The following GRM8 variants were observed in gnomAD, a reference collection of about 807,000 sequenced individuals.
The protein encoded by GRM8 is glutamate metabotropic receptor 8, also known as metabotropic glutamate receptor 8.
In GRM8, 47 loss-of-function variants were observed where a neutral mutation model predicts 87.2. The observed-to-expected ratio is 0.54, with a 90% CI of 0.43 to 0.69. GRM8 has a LOEUF of 0.69. Ranked by LOEUF, GRM8 falls within the 30% of genes least tolerant of loss-of-function variation. The pLI, the probability that GRM8 is intolerant of heterozygous loss-of-function variation, is 0.00. For synonymous variants in GRM8, 396 were observed against 404.5 expected (o/e 0.98, Z 0.25); for missense variants, 1,019 against 1,139.2 (o/e 0.89, Z 1.52).
At chr7:126,780,464 C>T (rs1317015851) in intron 6 of GRM8, among the ~76,000 whole-genome samples, 1 of 152,120 alleles carries the variant, frequency 6.6e-6, no homozygotes, top group Non-Finnish European at 1.5e-5. Flanking sequence ...TTATCATTCA[C>T]TGAGCTTGTG....
At chr7:127,080,597 G>A (rs1647933264) in intron 3 of GRM8, 2 of 152,134 alleles carry the variant, frequency 1.3e-5, no homozygotes, top group East Asian at 1.9e-4. Flanking sequence ...CTGAATTCTG[G>A]CCAAGGAGAT....
chr7:127,246,558 A>G (rs1798592670), intron 1 of GRM8, among the ~76,000 whole-genome samples: 1 of 152,100 alleles, frequency 6.6e-6, no homozygotes, highest in South Asian at 2.1e-4. Context: ...CTTAACCATG[A>G]ACCCTCATAG....
chr7:126,479,502 A>C (rs1806404629), intron 9 of GRM8, among the ~76,000 whole-genome samples: 2 of 152,008 alleles, frequency 1.3e-5, no homozygotes, highest in African/African-American at 4.8e-5. Flanking sequence ...GCCTTCTTTC[A>C]TGTAGCATAA....
Position 126,614,699 on chromosome 7 carries a change from A to G in GRM8, c.1358-5201T>C, listed in dbSNP as rs529215414. On this transcript the variant is annotated intron_variant, in intron 7 of 10. Coordinates refer to ENST00000339582, the MANE Select transcript of GRM8 (RefSeq NM_000845.3). ...CTTAAATGACCTGATGGAGCTGAAAACTATGGCACGAGAAATACGTGATGA... is the reference window on the plus strand; with the variant it reads ...CTTAAATGACCTGATGGAGCTGAAAGCTATGGCACGAGAAATACGTGATGA... Among the ~76,000 whole-genome samples, 369 of 152,356 alleles carry G rather than the reference A, an allele frequency of 2.4e-3. 2 individuals carry two copies. The highest frequency in any genetic ancestry group is 4.4e-3 in the Non-Finnish European group (300 of 68,028).
In GRM8 at chr7:126,771,148, A is replaced by G. The variant is rs142748335; in HGVS notation, c.1157-1083T>C. 2.8e-3 allele frequency among the ~76,000 whole-genome samples: 421 copies of G among 152,250 alleles called. 5 individuals carry two copies. Among genetic ancestry groups the G allele is most frequent in the African/African-American group, 9.6e-3 (401 of 41,562 alleles). On this transcript the variant is annotated intron_variant, in intron 6 of 10. Transcript: ENST00000339582. Reference sequence around the variant, plus strand: ...TACTAACCTTGAATAAATTGTATTTAAATTCAACAAATATTTGTTTTCTGA... The same window carrying G: ...TACTAACCTTGAATAAATTGTATTTGAATTCAACAAATATTTGTTTTCTGA...
chr7:126,899,687 T>C (rs1034890490), intron 6 of GRM8, among the ~76,000 whole-genome samples: 8 of 152,166 alleles, frequency 5.3e-5, no homozygotes, highest in Non-Finnish European at 1.5e-5. Flanking sequence ...TCCTTAAAGT[T>C]TCCATCAAGA....
intron 9 of GRM8, among the ~76,000 whole-genome samples, chr7:126,519,156 G>A (rs2237736): frequency 0.27 from 40,618 of 151,916 alleles, 6,698 homozygotes; most frequent in Middle Eastern, 0.4. Flanking sequence ...GAATGCACAA[G>A]AATTATGATG....
intron 6 of GRM8, among the ~76,000 whole-genome samples, chr7:126,850,277 T>A (rs1797095687): frequency 6.6e-6 from 1 of 152,228 alleles, no homozygotes; most frequent in Non-Finnish European, 1.5e-5. Flanking sequence ...TTACCTTCTA[T>A]GCCCCTGGCT....
intron 3 of GRM8, among the ~76,000 whole-genome samples, chr7:127,099,869 T>G (rs567912228): frequency 6.6e-5 from 10 of 152,238 alleles, no homozygotes; most frequent in Non-Finnish European, 1.0e-4. Context: ...AGAGGGTCAT[T>G]GCAAATGTAG....
intron 10 of GRM8, among the ~76,000 whole-genome samples, chr7:126,439,768 A>G (rs1801241383): frequency 1.3e-5 from 2 of 151,124 alleles, no homozygotes; most frequent in African/African-American, 4.9e-5. Context: ...TTCCAGTGGA[A>G]TAAGATATGG....
intron 8 of GRM8, among the ~76,000 whole-genome samples, chr7:126,601,645 C>G (rs1253397150): frequency 6.8e-6 from 1 of 147,098 alleles, no homozygotes; most frequent in Non-Finnish European, 1.5e-5. Context: ...GAGATGGTAT[C>G]TCATAGTGGT....
At chr7:127,055,197 G>A (rs1190001701) in intron 3 of GRM8, among the ~76,000 whole-genome samples, 1 of 22,878 alleles carries the variant, frequency 4.4e-5, no homozygotes, top group Non-Finnish European at 1.1e-4. Flanking sequence ...CAGAAGAAGG[G>A]AACATTTTTT....
intron 7 of GRM8, among the ~76,000 whole-genome samples, chr7:126,663,595 T>TA: frequency 6.6e-6 from 1 of 152,176 alleles, no homozygotes; most frequent in Non-Finnish European, 1.5e-5. Context: ...CTAACAACCC[T>TA]TCATGATAAA....
intron 6 of GRM8, among the ~76,000 whole-genome samples, chr7:126,786,290 T>A (rs1820620036): frequency 6.6e-6 from 1 of 152,238 alleles, no homozygotes; most frequent in Non-Finnish European, 1.5e-5. Context: ...GTACCTCTTT[T>A]CTAGTTTCAC....
intron 8 of GRM8, among the ~76,000 whole-genome samples, chr7:126,578,964 C>T (rs1795357780): frequency 6.6e-6 from 1 of 152,162 alleles, no homozygotes; most frequent in Non-Finnish European, 1.5e-5. Flanking sequence ...ATTTAACCCA[C>T]ATTTACTGAG....
At chr7:126,642,901 T>C (rs1329270523) in intron 7 of GRM8, among the ~76,000 whole-genome samples, 1 of 152,096 alleles carries the variant, frequency 6.6e-6, no homozygotes, top group Non-Finnish European at 1.5e-5. Flanking sequence ...ATAGGGTAAG[T>C]GTAAGGATTA....
At chr7:127,241,014 C>T (rs1798261565) in intron 2 of GRM8, among the ~76,000 whole-genome samples, 1 of 152,244 alleles carries the variant, frequency 6.6e-6, no homozygotes, top group Admixed American at 6.5e-5. Context: ...AGAGGCGCTT[C>T]TTAATGTCCT....
At chr7:126,759,791 T>C (rs957865952) in intron 7 of GRM8, among the ~76,000 whole-genome samples, 4 of 152,200 alleles carry the variant, frequency 2.6e-5, no homozygotes, top group African/African-American at 9.7e-5. Flanking sequence ...TTTATATATT[T>C]TTAAGTATTG....
chr7:126,508,606 A>G (rs1328317846), intron 9 of GRM8, among the ~76,000 whole-genome samples: 1 of 152,040 alleles, frequency 6.6e-6, no homozygotes, highest in African/African-American at 2.4e-5. Flanking sequence ...TATTTGTTGT[A>G]TTTTTCAGTA....
Sources: allele counts gnomAD v4.1 joint callset (sites outside exome capture counted in the v4.1 genomes callset), GRCh38; gene constraint gnomAD v4.1.1; transcripts MANE v1.5; gene names NCBI Gene and HGNC (gene_info 2026-07-23, HGNC 2026-07-21).